The following EXOC6 variants were observed in gnomAD, a reference collection of about 807,000 sequenced individuals.
The protein encoded by EXOC6 is exocyst complex component 6.
In EXOC6, 60 loss-of-function variants were observed where a neutral mutation model predicts 112.5. The ratio of observed to expected loss-of-function variants is 0.53; its 90% CI spans 0.43 to 0.66. EXOC6 has a LOEUF of 0.66. Among genes scored for constraint, EXOC6 ranks in the 30% least tolerant of loss-of-function variants. The pLI is 0.00. For missense variants in EXOC6, 855 were observed against 957.1 expected, an observed-to-expected ratio of 0.89 and a Z score of 1.41; for synonymous variants, 295 against 308.0, an observed-to-expected ratio of 0.96 and a Z score of 0.44.
At chr10:93,022,030 C>G (rs1325329508) in intron 20 of EXOC6, among the ~76,000 whole-genome samples, 1 of 152,154 alleles carries the variant, frequency 6.6e-6, no homozygotes, top group Non-Finnish European at 1.5e-5. Flanking sequence ...GATTAAAACA[C>G]TGACCCCACG....
chr10:92,843,150 T>C (rs1846917050), intron 1 of EXOC6, among the ~76,000 whole-genome samples: 1 of 152,262 alleles, frequency 6.6e-6, no homozygotes, highest in Non-Finnish European at 1.5e-5. Flanking sequence ...TTTCCTTCTA[T>C]TGTTCTCCAC....
intron 5 of EXOC6, among the ~76,000 whole-genome samples, chr10:92,908,258 T>C (rs969155571): frequency 6.6e-6 from 1 of 151,906 alleles, no homozygotes; most frequent in East Asian, 1.9e-4. Context: ...TTTCACCACA[T>C]TGGCCAGGCT....
chr10:92,949,584 C>CT (rs1853269554), intron 14 of EXOC6, among the ~76,000 whole-genome samples: 1 of 146,364 alleles, frequency 6.8e-6, no homozygotes, highest in African/African-American at 2.5e-5. Context: ...TGTGCTAGCT[C>CT]TGCTTGTGGC....
intron 20 of EXOC6, among the ~76,000 whole-genome samples, chr10:93,035,191 C>T (rs779808299): frequency 5.3e-5 from 8 of 152,172 alleles, no homozygotes; most frequent in Non-Finnish European, 8.8e-5. Context: ...ATGACTTTTG[C>T]GTTTTTCTTC....
intron 1 of EXOC6, among the ~76,000 whole-genome samples, chr10:92,870,645 A>G (rs560437986): frequency 1.2e-3 from 183 of 151,346 alleles, no homozygotes; most frequent in African/African-American, 4.3e-3. Context: ...TCAATGTTAC[A>G]CTCATTTCAT....
chr10:92,881,426 A>G (rs901854100), intron 1 of EXOC6, among the ~76,000 whole-genome samples: 7 of 152,204 alleles, frequency 4.6e-5, no homozygotes, highest in Non-Finnish European at 7.3e-5. Context: ...ATACTACTTC[A>G]TTTACTTTCT....
intron 14 of EXOC6, among the ~76,000 whole-genome samples, 200 bp downstream of exon 14, chr10:92,948,579 T>TACTACC (rs1554900815): frequency 1.4e-5 from 2 of 146,334 alleles, no homozygotes; most frequent in East Asian, 2.0e-4. Flanking sequence ...CTACCACTAC[T>TACTACC]ACTACTACTA....
chr10:93,057,022 T>C lies in EXOC6; in HGVS notation c.2268T>C (p.Leu756=). The part of the protein sequence containing the change: ...KYLRVNPNTA[L]TLLEKMKDTS... ...TTCGGGTGAATCCAAACACAGCCCTTACTCTTTTGGAGAAGTGAGTATATT... is the reference window on the plus strand; with the variant it reads ...TTCGGGTGAATCCAAACACAGCCCTCACTCTTTTGGAGAAGTGAGTATATT... Residue 756 remains leucine (L), a synonymous_variant, in exon 21 of 22, where the codon CTT becomes CTC. Transcript: ENST00000260762. 1 of 1,566,666 alleles carries C rather than the reference T, an allele frequency of 6.4e-7. No individual in the cohort carries two copies. Among genetic ancestry groups the C allele is most frequent in the Non-Finnish European group, 8.6e-7 (1 of 1,162,806 alleles).
At chr10:92,929,688 G>A (rs1262213121) in intron 9 of EXOC6, among the ~76,000 whole-genome samples, 1 of 152,136 alleles carries the variant, frequency 6.6e-6, no homozygotes, top group Non-Finnish European at 1.5e-5. Flanking sequence ...AGAATATCTA[G>A]AAATTAAATA....
At chr10:92,956,979 C>CTGAGAATACAAAAA (rs1270594122) in intron 17 of EXOC6, among the ~76,000 whole-genome samples, 1 of 151,974 alleles carries the variant, frequency 6.6e-6, no homozygotes, top group East Asian at 1.9e-4. Context: ...TGTTTAGACT[C>CTGAGAATACAAAAA]TGAGAATACA....
intron 20 of EXOC6, among the ~76,000 whole-genome samples, chr10:93,029,109 G>A (rs1590070676): frequency 1.3e-5 from 2 of 152,250 alleles, no homozygotes; most frequent in South Asian, 4.1e-4. Flanking sequence ...CCACACTGAG[G>A]CAAGAGTCTC....
intron 18 of EXOC6, chr10:92,987,614 C>T: frequency 1.0e-6 from 1 of 984,974 alleles, no homozygotes; most frequent in African/African-American, 1.7e-5. Flanking sequence ...CCTTCTCAGA[C>T]TAACAACAAT....
intron 1 of EXOC6, among the ~76,000 whole-genome samples, chr10:92,872,540 A>G (rs1176577942): frequency 1.3e-5 from 2 of 151,884 alleles, no homozygotes; most frequent in African/African-American, 2.4e-5. Flanking sequence ...GCCTCATGTT[A>G]TTTTTCACCT....
chr10:92,846,851 C>G (rs1414158843), upstream of EXOC6, among the ~76,000 whole-genome samples: 1 of 152,172 alleles, frequency 6.6e-6, no homozygotes, highest in East Asian at 1.9e-4. Context: ...GAAGATTATC[C>G]TGGATTAAAT....
At chr10:93,000,285 C>G (rs962638088) in intron 19 of EXOC6, among the ~76,000 whole-genome samples, 7 of 152,110 alleles carry the variant, frequency 4.6e-5, no homozygotes, top group Non-Finnish European at 7.3e-5. Context: ...GTTCAGTTGT[C>G]TAAATCTTCT....
chr10:92,907,340 C>T (rs915994512), intron 5 of EXOC6, among the ~76,000 whole-genome samples: 1 of 152,124 alleles, frequency 6.6e-6, no homozygotes, highest in Non-Finnish European at 1.5e-5. Context: ...ACTTGCTCTT[C>T]TTATTGGTTA....
At chr10:92,971,282 G>A (rs978269061) in intron 17 of EXOC6, among the ~76,000 whole-genome samples, 1 of 152,094 alleles carries the variant, frequency 6.6e-6, no homozygotes, top group African/African-American at 2.4e-5. Context: ...CTGACCCCGT[G>A]ATTCACCCGC....
In EXOC6 at chr10:92,894,859, T is replaced by G; in HGVS notation, c.321+18T>G. 1 of 1,613,062 alleles carries G rather than the reference T, an allele frequency of 6.2e-7. No individual in the cohort carries two copies. The highest frequency in any genetic ancestry group is 8.5e-7 in the Non-Finnish European group (1 of 1,179,270). Reference sequence around the variant, plus strand: ...GAAAAGAGGTGAGAAAATGATACTTTTCTGGGTATTCAGTATGTAGTTGTT... The same window carrying G: ...GAAAAGAGGTGAGAAAATGATACTTGTCTGGGTATTCAGTATGTAGTTGTT... On this transcript the variant is annotated intron_variant, in intron 3 of 21. Coordinates refer to ENST00000260762, the MANE Select transcript of EXOC6 (RefSeq NM_019053.6).
intron 19 of EXOC6, among the ~76,000 whole-genome samples, chr10:93,003,418 A>G (rs7088919): frequency 0.01 from 1,587 of 152,174 alleles, 29 homozygotes; most frequent in African/African-American, 0.036. Context: ...TGACCCATCT[A>G]TGTGCTCATT....
Sources: gnomAD v4.1 joint callset for allele counts (sites outside exome capture counted in the v4.1 genomes callset) on GRCh38, gnomAD v4.1.1 for gene constraint, MANE v1.5 for transcripts, NCBI Gene and HGNC (gene_info 2026-07-23, HGNC 2026-07-21) for gene names.